ARHGEF7: variants seen among roughly 807,000 people sequenced by gnomAD.
The protein encoded by ARHGEF7 is Rho guanine nucleotide exchange factor 7.
A neutral mutation model predicts 109.8 loss-of-function variants in ARHGEF7; 33 were observed. That is an observed-to-expected ratio of 0.30 (90% CI 0.23 to 0.40). The LOEUF (loss-of-function observed/expected upper bound fraction) is 0.40. Ranked by LOEUF, ARHGEF7 falls within the 10% of genes least tolerant of loss-of-function variation. ARHGEF7 has a pLI of 1.00. For synonymous variants in ARHGEF7, 458 were observed against 424.6 expected (o/e 1.08, Z -0.97); for missense variants, 938 against 1,098.5 (o/e 0.85, Z 2.07).
intron 2 of ARHGEF7, among the ~76,000 whole-genome samples, chr13:111,204,405 G>A (rs1283019125): frequency 6.6e-6 from 1 of 152,166 alleles, no homozygotes; most frequent in Non-Finnish European, 1.5e-5. Flanking sequence ...AATTTTTCTG[G>A]AACATAGTTG....
Position 111,275,662 on chromosome 13 carries a change from A to C in ARHGEF7, c.1403A>C (p.Gln468Pro). 1 of 1,614,144 alleles carries C rather than the reference A, an allele frequency of 6.2e-7. No individual in the cohort carries two copies. Among genetic ancestry groups the C allele is most frequent in the Non-Finnish European group, 8.5e-7 (1 of 1,180,016 alleles). Reference protein sequence around the residue: ...NVTYMSQVLIQCAGSEEKNER... With the variant: ...NVTYMSQVLIPCAGSEEKNER... ...ACTTACATGTCCCAGGTCCTGATTC[A>C]GTGTGCCGGAAGTGAGGTACTGCTG... The change falls in exon 12 of 22, where the codon CAG becomes CCG. Residue 468 changes from glutamine to proline, a missense_variant. Gln to Pro is a moderately conservative substitution (Grantham distance 76, BLOSUM62 -1). This residue lies in a region of ARHGEF7 where 585 missense variants were observed against 723.6 expected (regional missense o/e 0.81). Transcript: ENST00000646102.
At chr13:111,191,100 A>C (rs916435069) in intron 2 of ARHGEF7, among the ~76,000 whole-genome samples, 12 of 152,298 alleles carry the variant, frequency 7.9e-5, no homozygotes, top group African/African-American at 2.9e-4. Context: ...GTGAATGGTC[A>C]TGCAGGGAGT....
chr13:111,222,532 C>A (rs919234485), intron 5 of ARHGEF7, among the ~76,000 whole-genome samples: 2 of 152,264 alleles, frequency 1.3e-5, no homozygotes, highest in Non-Finnish European at 2.9e-5. Flanking sequence ...TGGGTTCAAG[C>A]GATTCTCCTG....
chr13:111,297,447 C>T lies in ARHGEF7; in HGVS notation c.2312-3301C>T, dbSNP rs558852090. Among the ~76,000 whole-genome samples, 20 of 152,314 alleles carry T rather than the reference C, an allele frequency of 1.3e-4. No homozygotes were observed. In the South Asian group the frequency reaches 3.3e-3, roughly 25 times the overall value. ...GTAGCTGTAGAAATAAGACCTGTGC[C>T]GGGCACATACAGTAACCGTACCAGT... is the stretch of plus-strand genomic sequence containing the variant. On this transcript the variant is annotated intron_variant, in intron 19 of 21. Transcript: ENST00000646102.
chr13:111,158,070 C>T (rs938691400), intron 2 of ARHGEF7, among the ~76,000 whole-genome samples: 1 of 152,224 alleles, frequency 6.6e-6, no homozygotes, highest in Non-Finnish European at 1.5e-5. Flanking sequence ...ACATTAATAA[C>T]GTGGTTTCAG....
chr13:111,257,581 AC>A (rs2153569238), intron 8 of ARHGEF7, among the ~76,000 whole-genome samples: 1 of 152,374 alleles, frequency 6.6e-6, no homozygotes, highest in African/African-American at 2.4e-5. Context: ...ACCAAATTGA[AC>A]AACTCTCCAC....
chr13:111,292,822 G>T, intron 19 of ARHGEF7: 2 of 992,834 alleles, frequency 2.0e-6, no homozygotes, highest in Non-Finnish European at 2.4e-6. Context: ...CAGCAAAGGT[G>T]CTGTGAGCCC....
chr13:111,138,207 G>A (rs1226609673), intron 1 of ARHGEF7, among the ~76,000 whole-genome samples: 1 of 152,108 alleles, frequency 6.6e-6, no homozygotes, highest in Non-Finnish European at 1.5e-5. Flanking sequence ...CAGCTACTCG[G>A]GGGGCTAAGG....
At chr13:111,178,958 G>GT (rs899223436) in intron 2 of ARHGEF7, among the ~76,000 whole-genome samples, 63 of 152,034 alleles carry the variant, frequency 4.1e-4, no homozygotes, top group African/African-American at 1.4e-3. Context: ...TTAATGTGCC[G>GT]TCCCCCCCCT....
chr13:111,155,525 G>T (rs1252161569), intron 2 of ARHGEF7, among the ~76,000 whole-genome samples: 2 of 152,216 alleles, frequency 1.3e-5, no homozygotes, highest in Admixed American at 6.5e-5. Context: ...AGGGGAAAAA[G>T]ACAGTGTTTC....
Position 111,188,295 on chromosome 13 carries a change from C to A in ARHGEF7, c.253-16994C>A, listed in dbSNP as rs539919683. ...CAACGACCTCCCCTGAGACCCAGAG[C>A]CACATTCACCCAGCTAAGCTGCCCT... On this transcript the variant is annotated intron_variant, in intron 2 of 21. Transcript: ENST00000646102. Among the ~76,000 whole-genome samples the A allele has an allele frequency of 1.2e-4, 19 of 152,320 alleles. No individual in the cohort carries two copies. The South Asian group carries it at 3.9e-3, about 32-fold the overall frequency.
intron 5 of ARHGEF7, among the ~76,000 whole-genome samples, chr13:111,220,072 G>C (rs551656763): frequency 8.5e-4 from 129 of 152,338 alleles, no homozygotes; most frequent in African/African-American, 3.0e-3. Flanking sequence ...TGGAGACCTA[G>C]GGCTAGGGCA....
At chr13:111,198,416 A>G (rs968654042) in intron 2 of ARHGEF7, among the ~76,000 whole-genome samples, 1 of 152,086 alleles carries the variant, frequency 6.6e-6, no homozygotes, top group Non-Finnish European at 1.5e-5. Context: ...TGAGTGTTAC[A>G]GTTCTTAAAG....
At chr13:111,137,899 C>T (rs981387307) in intron 1 of ARHGEF7, among the ~76,000 whole-genome samples, 1 of 152,072 alleles carries the variant, frequency 6.6e-6, no homozygotes, top group East Asian at 1.9e-4. Context: ...GATGAAGTCA[C>T]ACTGTTTTAG....
intron 1 of ARHGEF7, chr13:111,116,513 C>G (rs2153303149): frequency 6.6e-6 from 1 of 151,096 alleles, no homozygotes; most frequent in East Asian, 2.0e-4. Context: ...AACGATGTCT[C>G]CCTGTAGCTC....
chr13:111,219,090 T>G (rs559818163), intron 5 of ARHGEF7, among the ~76,000 whole-genome samples: 29 of 152,284 alleles, frequency 1.9e-4, no homozygotes, highest in African/African-American at 6.3e-4. Context: ...CTAGGTACAT[T>G]CACAGTTTTA....
chr13:111,217,778 A>G lies in ARHGEF7; in HGVS notation c.568A>G (p.Ile190Val), dbSNP rs1054348272. ...DELSFSKGDV[I>V]HVTRVEEGGW... ...GCTTTCCTTCTCAAAAGGAGACGTC[A>G]TCCATGTCACCCGTGTGGAAGAGGG... The change falls in exon 5 of 22, where the codon ATC becomes GTC. Residue 190 changes from isoleucine to valine, a missense_variant. Transcript: ENST00000646102. 6.2e-6 allele frequency: 10 copies of G among 1,614,092 alleles called. No homozygotes were observed. The African/African-American group carries it at 1.2e-4, about 19-fold the overall frequency.
At chr13:111,151,933 A>G (rs1220727197) in intron 1 of ARHGEF7, among the ~76,000 whole-genome samples, 11 of 152,182 alleles carry the variant, frequency 7.2e-5, no homozygotes, top group African/African-American at 2.4e-4. Flanking sequence ...GAACGTGTAC[A>G]TAAGGTGATC....
At chr13:111,220,589 C>T (rs889853699) in intron 5 of ARHGEF7, among the ~76,000 whole-genome samples, 14 of 152,214 alleles carry the variant, frequency 9.2e-5, no homozygotes, top group African/African-American at 1.4e-4. Flanking sequence ...TGTCATCTGC[C>T]GTGGGAATTT....
Sources: allele counts gnomAD v4.1 joint callset (sites outside exome capture counted in the v4.1 genomes callset), GRCh38; gene constraint gnomAD v4.1.1; regional missense constraint gnomAD v4.1.1; transcripts MANE v1.5; gene names NCBI Gene and HGNC (gene_info 2026-07-23, HGNC 2026-07-21).